The following FA2H variants were observed in gnomAD, a reference collection of about 807,000 sequenced individuals.
FA2H encodes fatty acid alpha-hydroxylase.
FA2H carries 22 observed loss-of-function variants against 44.9 expected under a neutral mutation model. The ratio of observed to expected loss-of-function variants is 0.49; its 90% CI spans 0.35 to 0.70. FA2H has a LOEUF of 0.70. FA2H is among the 30% of genes least tolerant of loss of function. The probability of loss-of-function intolerance (pLI) is 0.01; values close to 1 mark genes in which losing one functional copy is unlikely to be tolerated. For synonymous variants in FA2H, 243 were observed against 213.2 expected (o/e 1.14, Z -1.22); for missense variants, 501 against 504.9 (o/e 0.99, Z 0.07).
chr16:74,746,359 AATTATT>A (rs201571708), intron 1 of FA2H, among the ~76,000 whole-genome samples: 12 of 149,322 alleles, frequency 8.0e-5, no homozygotes, highest in Non-Finnish European at 1.3e-4. Flanking sequence ...TCCTGGGCTC[AATTATT>A]ATTATTATTA....
At chr16:74,716,791 C>A in intron 5 of FA2H, 192 bp from the exon 6 acceptor site, 4 of 480,700 alleles carry the variant, frequency 8.3e-6, no homozygotes, top group Non-Finnish European at 1.5e-5. Flanking sequence ...TCTTACTTCC[C>A]ATTTGTGAGC....
At chr16:74,719,665 G>T (rs1372166234) in intron 4 of FA2H, among the ~76,000 whole-genome samples, 1 of 152,132 alleles carries the variant, frequency 6.6e-6, no homozygotes, top group Non-Finnish European at 1.5e-5. Flanking sequence ...AGCTTCTCAA[G>T]TAGCTGGGAC....
chr16:74,738,748 C>G (rs13339429), intron 2 of FA2H, among the ~76,000 whole-genome samples: 1,791 of 151,092 alleles, frequency 0.012, 34 homozygotes, highest in African/African-American at 0.041. Flanking sequence ...CCTCCGATCT[C>G]CCCCTGTTCC....
At chr16:74,757,070 C>A (rs576607747) in intron 1 of FA2H, among the ~76,000 whole-genome samples, 3 of 150,436 alleles carry the variant, frequency 2.0e-5, no homozygotes, top group African/African-American at 7.3e-5. Context: ...AGGCAAAAGG[C>A]AAATGAAAAG....
intron 2 of FA2H, among the ~76,000 whole-genome samples, chr16:74,737,237 G>T (rs1416382412): frequency 1.3e-5 from 2 of 152,160 alleles, no homozygotes; most frequent in African/African-American, 2.4e-5. Context: ...GGACCAGGGG[G>T]ACACGTGTGT....
At chr16:74,770,113 C>T (rs765531138) in intron 1 of FA2H, among the ~76,000 whole-genome samples, 2 of 152,184 alleles carry the variant, frequency 1.3e-5, no homozygotes, top group African/African-American at 4.8e-5. Flanking sequence ...CATTCAGAAA[C>T]GAGCCCCAAA....
chr16:74,769,965 G>C (rs1183185122), intron 1 of FA2H, among the ~76,000 whole-genome samples: 1 of 152,364 alleles, frequency 6.6e-6, no homozygotes. Flanking sequence ...GTGTGAGTGT[G>C]AATGTGTGTA....
intron 4 of FA2H, 31 bp downstream of exon 4, chr16:74,726,194 C>G: frequency 6.7e-7 from 1 of 1,498,842 alleles, no homozygotes; most frequent in Non-Finnish European, 9.3e-7. Flanking sequence ...CTAGGATCCT[C>G]AGGGCAAGTC....
At chr16:74,733,652 G>C (rs983731962) in intron 2 of FA2H, among the ~76,000 whole-genome samples, 2 of 152,230 alleles carry the variant, frequency 1.3e-5, no homozygotes, top group African/African-American at 4.8e-5. Context: ...CAACATGGCA[G>C]TTGGCGGGAC....
intron 2 of FA2H, among the ~76,000 whole-genome samples, chr16:74,731,278 G>A (rs1485260743): frequency 2.7e-5 from 4 of 150,320 alleles, no homozygotes; most frequent in African/African-American, 9.8e-5. Context: ...GGGATTATAG[G>A]CGCCCACCAC....
chr16:74,758,208 C>A (rs2144655514), intron 1 of FA2H, among the ~76,000 whole-genome samples: 1 of 149,852 alleles, frequency 6.7e-6, no homozygotes, highest in East Asian at 2.0e-4. Flanking sequence ...GCAACCTCCG[C>A]CTCCTGGGTT....
At chr16:74,768,346 G>A (rs1962846318) in intron 1 of FA2H, among the ~76,000 whole-genome samples, 2 of 152,200 alleles carry the variant, frequency 1.3e-5, no homozygotes, top group Non-Finnish European at 1.5e-5. Context: ...TGACCCTGGG[G>A]TGGCCATGGA....
Position 74,774,626 on chromosome 16 carries a change from G to C in FA2H, c.130C>G (p.Pro44Ala). The C allele has an allele frequency of 6.6e-7, 1 of 1,516,280 alleles. No homozygotes were observed. 93.9% of individuals were successfully genotyped at this position (1,516,280 alleles called of 1,614,324 possible). ...YDLSSFVRHH[P>A]GGEQLLRARA... ...GCCCGCAGCAGCTGCTCGCCCCCCGGGTGGTGCCGCACGAAGCTGGAGAGG... is the reference window on the plus strand; with the variant it reads ...GCCCGCAGCAGCTGCTCGCCCCCCGCGTGGTGCCGCACGAAGCTGGAGAGG... Residue 44 changes from proline to alanine, a missense_variant, in exon 1 of 7, where the codon CCG becomes GCG. Physicochemically the swap from Pro to Ala is conservative, Grantham distance 27. Coordinates refer to ENST00000219368, the MANE Select transcript of FA2H (RefSeq NM_024306.5).
intron 1 of FA2H, among the ~76,000 whole-genome samples, chr16:74,770,497 G>A (rs1232944832): frequency 1.3e-5 from 2 of 152,162 alleles, no homozygotes; most frequent in African/African-American, 4.8e-5. Context: ...TCTCACCTCA[G>A]CCTCCTGAGT....
Position 74,714,162 on chromosome 16 carries a change from G to A in FA2H, c.*28C>T. 1 of 1,478,552 alleles carries A rather than the reference G, an allele frequency of 6.8e-7. No individual in the cohort carries two copies. The highest frequency in any genetic ancestry group is 9.3e-7 in the Non-Finnish European group (1 of 1,080,626). The allele number at this position is 1,478,552 out of a possible 1,614,324, so 91.6% of individuals were successfully genotyped here. The stretch of plus-strand genomic sequence containing the variant: ...GTCGGGAAGGGGCCAGGGCCGGGCT[G>A]AGGGCAGGACGGAGGGGGTGGGAGT... On this transcript the variant is annotated 3_prime_UTR_variant, in exon 7 of 7. Coordinates refer to ENST00000219368, the MANE Select transcript of FA2H (RefSeq NM_024306.5).
At chr16:74,718,832 C>T (rs943235526) in intron 5 of FA2H, among the ~76,000 whole-genome samples, 156 bp downstream of exon 5, 2 of 152,186 alleles carry the variant, frequency 1.3e-5, no homozygotes, top group Non-Finnish European at 2.9e-5. Context: ...TTCGGATGCC[C>T]AACCCAGTTG....
chr16:74,737,516 C>A (rs1410707423), intron 2 of FA2H, among the ~76,000 whole-genome samples: 2 of 152,186 alleles, frequency 1.3e-5, no homozygotes, highest in Non-Finnish European at 2.9e-5. Flanking sequence ...CTTTTCAGAT[C>A]CTTCTAACTC....
At chr16:74,771,892 G>A (rs1019426932) in intron 1 of FA2H, among the ~76,000 whole-genome samples, 11 of 150,470 alleles carry the variant, frequency 7.3e-5, no homozygotes, top group African/African-American at 1.7e-4. Flanking sequence ...TGCAGCCAGC[G>A]TCCTCTTCTA....
At chr16:74,741,808 A>ATATATGTGTGTGTGTGTG (rs1491185782) in intron 1 of FA2H, among the ~76,000 whole-genome samples, 7 of 48,420 alleles carry the variant, frequency 1.4e-4, no homozygotes, top group African/African-American at 7.6e-4. Flanking sequence ...ATATATATAT[A>ATATATGTGTGTGTGTGTG]TGTGTGTGTG....
Sources: gnomAD v4.1 joint callset for allele counts (sites outside exome capture counted in the v4.1 genomes callset) on GRCh38, gnomAD v4.1.1 for gene constraint, MANE v1.5 for transcripts, NCBI Gene and HGNC (gene_info 2026-07-23, HGNC 2026-07-21) for gene names.